CPT1A: variants seen among roughly 807,000 people sequenced by gnomAD.
CPT1A encodes the protein carnitine palmitoyltransferase 1A, also known as carnitine O-palmitoyltransferase 1, liver isoform.
CPT1A carries 64 observed loss-of-function variants against 100.8 expected under a neutral mutation model. The observed-to-expected ratio is 0.63, with a 90% confidence interval of 0.52 to 0.78. The LOEUF is 0.78. Ranked by LOEUF, CPT1A falls within the 30% of genes least tolerant of loss-of-function variation. CPT1A has a pLI of 0.00. For missense variants in CPT1A, 802 were observed against 1,034.1 expected, an observed-to-expected ratio of 0.78 and a Z score of 3.08; for synonymous variants, 363 against 396.0, an observed-to-expected ratio of 0.92 and a Z score of 0.99.
At chr11:68,822,644 C>T (rs1006710750) in intron 1 of CPT1A, among the ~76,000 whole-genome samples, 3 of 152,022 alleles carry the variant, frequency 2.0e-5, no homozygotes, top group African/African-American at 4.8e-5. Context: ...AGTCTGCACA[C>T]GAACACTCAC....
chr11:68,793,439 T>C (rs1855672271), intron 8 of CPT1A, 37 bp from the exon 9 acceptor site: 3 of 1,540,014 alleles, frequency 1.9e-6, no homozygotes, highest in Non-Finnish European at 1.8e-6. Flanking sequence ...ACAACGAAAA[T>C]CCCACAGAAG....
At chr11:68,797,389 G>A (rs573925433) in intron 6 of CPT1A, among the ~76,000 whole-genome samples, 9 of 152,254 alleles carry the variant, frequency 5.9e-5, no homozygotes, top group African/African-American at 2.2e-4. Flanking sequence ...CAAAACTATG[G>A]GCTGGCCATG....
Position 68,757,707 on chromosome 11 carries a change from G to C in CPT1A, c.2259C>G (p.His753Gln), listed in dbSNP as rs752442128. 1.9e-6 allele frequency: 3 copies of C among 1,613,956 alleles called. No homozygotes were observed. Among genetic ancestry groups the C allele is most frequent in the East Asian group, 2.2e-5 (1 of 44,878 alleles). The change falls in exon 19 of 19, where the codon CAC (histidine) becomes CAG (glutamine). Residue 753 changes from histidine to glutamine, a missense_variant. Physicochemically the swap from His to Gln is conservative, Grantham distance 24. Around this residue, in one of 4 missense-constraint regions of CPT1A, gnomAD observed 627 missense variants for 799.3 expected, o/e 0.78. Transcript: ENST00000265641. ...PETDSHRFGRHLKEAMTDIIT... is the reference protein window; with the variant it reads ...PETDSHRFGRQLKEAMTDIIT... ...TGATGTCAGTCATTGCTTCTTTCAG[G>C]TGCCTTCCAAAGCGATGAGAATCCT...
chr11:68,781,712 A>G, intron 11 of CPT1A, 59 bp downstream of exon 11: 1 of 1,432,620 alleles, frequency 7.0e-7, no homozygotes, highest in South Asian at 1.1e-5. Context: ...TCAGGCACAC[A>G]GGGTATTTCT....
chr11:68,840,793 C>T (rs1006030635), intron 1 of CPT1A, among the ~76,000 whole-genome samples: 11 of 152,228 alleles, frequency 7.2e-5, no homozygotes, highest in Admixed American at 6.5e-4. Flanking sequence ...GCGGCGGTGG[C>T]TCCGAGAAGG....
chr11:68,767,026 A>G (rs1168101676), intron 14 of CPT1A, among the ~76,000 whole-genome samples: 1 of 152,166 alleles, frequency 6.6e-6, no homozygotes, highest in Non-Finnish European at 1.5e-5. Context: ...CACAGACAAC[A>G]TGTGAAAGCC....
At chr11:68,816,078 G>A (rs1280491211) in intron 1 of CPT1A, among the ~76,000 whole-genome samples, 2 of 152,082 alleles carry the variant, frequency 1.3e-5, no homozygotes, top group Admixed American at 6.6e-5. Flanking sequence ...AGCCCACGGC[G>A]CTTCAGCAAC....
chr11:68,794,933 G>A, intron 7 of CPT1A, 22 bp from the exon 8 acceptor site: 1 of 1,590,276 alleles, frequency 6.3e-7, no homozygotes, highest in East Asian at 2.2e-5. Context: ...CAAAGGTGGA[G>A]AGAATTTGCA....
Position 68,784,932 on chromosome 11 carries a change from T to C in CPT1A, c.1046A>G (p.His349Arg), listed in dbSNP as rs753889040. The part of the protein sequence containing the change: ...RGRYFKVWLY[H>R]DGRLLKPREM... Reference sequence around the variant, plus strand: ...CCGGGGCTTCAGCAGCCGCCCATCATGGTAGAGCCAGACCTTGAAGTAGCG... The same window carrying C: ...CCGGGGCTTCAGCAGCCGCCCATCACGGTAGAGCCAGACCTTGAAGTAGCG... The change falls in exon 10 of 19, where the codon CAT (histidine) becomes CGT (arginine). Residue 349 changes from histidine to arginine, a missense_variant. His to Arg is a conservative substitution (Grantham distance 29). Around this residue, in one of 4 missense-constraint regions of CPT1A, gnomAD observed 627 missense variants for 799.3 expected, o/e 0.78. Transcript: ENST00000265641. 1 of 1,614,026 alleles carries C rather than the reference T, an allele frequency of 6.2e-7. No homozygotes were observed. Among genetic ancestry groups the C allele is most frequent in the Non-Finnish European group, 8.5e-7 (1 of 1,180,038 alleles).
At chr11:68,822,630 C>T (rs1221613366) in intron 1 of CPT1A, among the ~76,000 whole-genome samples, 6 of 151,974 alleles carry the variant, frequency 3.9e-5, no homozygotes, top group Non-Finnish European at 7.4e-5. Context: ...CATGTCCATA[C>T]AAAAGTCTGC....
intron 18 of CPT1A, 140 bp downstream of exon 18, chr11:68,759,429 A>G: frequency 1.5e-6 from 1 of 688,104 alleles, no homozygotes; most frequent in African/African-American, 1.8e-5. Context: ...AAAGCAGTCC[A>G]TTTATGTGAA....
At chr11:68,773,668 T>C in intron 13 of CPT1A, 1 of 527,886 alleles carries the variant, frequency 1.9e-6, no homozygotes, top group Non-Finnish European at 3.3e-6. Flanking sequence ...AGGAGAGGGC[T>C]TCCTCCGACA....
intron 2 of CPT1A, among the ~76,000 whole-genome samples, chr11:68,814,495 G>A (rs1169771010): frequency 1.3e-5 from 2 of 151,776 alleles, no homozygotes; most frequent in Non-Finnish European, 2.9e-5. Flanking sequence ...TTTTAGTAGA[G>A]ACGGGGGTTT....
intron 13 of CPT1A, 194 bp from the exon 14 acceptor site, chr11:68,773,623 G>A: frequency 2.2e-6 from 2 of 909,446 alleles, no homozygotes; most frequent in Non-Finnish European, 3.2e-6. Context: ...CAGCTGCAAT[G>A]TTATAGCAGG....
chr11:68,813,126 T>A (rs1206116816), intron 2 of CPT1A, among the ~76,000 whole-genome samples: 1 of 151,684 alleles, frequency 6.6e-6, no homozygotes, highest in Non-Finnish European at 1.5e-5. Context: ...ATGGTGGGGA[T>A]CTTTAATCAG....
chr11:68,838,373 G>A (rs149912078), intron 1 of CPT1A, among the ~76,000 whole-genome samples: 1 of 151,954 alleles, frequency 6.6e-6, no homozygotes, highest in Non-Finnish European at 1.5e-5. Flanking sequence ...CCTGACATTT[G>A]GATGGGGTAA....
intron 1 of CPT1A, among the ~76,000 whole-genome samples, chr11:68,819,970 G>A (rs983335688): frequency 2.3e-4 from 35 of 152,248 alleles, no homozygotes; most frequent in African/African-American, 7.5e-4. Flanking sequence ...TAAAAACACT[G>A]ATATAGCCGC....
chr11:68,784,726 T>C (rs1235276981), intron 10 of CPT1A, 89 bp downstream of exon 10: 15 of 1,310,404 alleles, frequency 1.1e-5, no homozygotes, highest in Non-Finnish European at 1.6e-5. Context: ...CGTGCCAGGA[T>C]TCCCACAGGC....
chr11:68,794,699 C>T (rs1855709299), intron 8 of CPT1A, 105 bp downstream of exon 8: 2 of 1,016,212 alleles, frequency 2.0e-6, no homozygotes, highest in Non-Finnish European at 3.0e-6. Flanking sequence ...GCGTGAGACC[C>T]TGTGCCCGGC....
Sources: gnomAD v4.1 joint callset for allele counts (sites outside exome capture counted in the v4.1 genomes callset) on GRCh38, gnomAD v4.1.1 for gene constraint, gnomAD v4.1.1 regional missense constraint, MANE v1.5 for transcripts, NCBI Gene and HGNC (gene_info 2026-07-23, HGNC 2026-07-21) for gene names.